ECHDC2: variants seen among roughly 807,000 people sequenced by gnomAD.
ECHDC2 encodes the protein enoyl-CoA hydratase domain containing 2.
ECHDC2 carries 34 observed loss-of-function variants against 40.6 expected under a neutral mutation model. The observed-to-expected ratio is 0.84, with a 90% confidence interval of 0.64 to 1.11. The LOEUF is 1.11. Among genes scored for constraint, ECHDC2 ranks in the 50% most tolerant of loss-of-function variants. The pLI is 0.00. For synonymous variants in ECHDC2, 162 were observed against 166.6 expected (o/e 0.97, Z 0.21); for missense variants, 392 against 400.7 (o/e 0.98, Z 0.19).
rs370480985 is a variant in ECHDC2, at chr1:52,905,100, T to C, written c.458-10A>G. On this transcript the variant is annotated splice_polypyrimidine_tract_variant and intron_variant, in intron 5 of 9. Coordinates refer to ENST00000371522, the MANE Select transcript of ECHDC2 (RefSeq NM_001198961.2). ...ATGACTGCCGAGGAAGCTGCTCAGA[T>C]AGAACAAAGTGAGGCCTCCCTCCCC... is the stretch of plus-strand genomic sequence containing the variant. 12 of 1,613,396 alleles carry C rather than the reference T, an allele frequency of 7.4e-6. No homozygotes were observed. The African/African-American group carries it at 1.6e-4, about 22-fold the overall frequency.
At chr1:52,911,680 GCCAGCCCATCC>G (rs768183962) in intron 2 of ECHDC2, 27 bp from the exon 3 acceptor site, 4 of 1,614,210 alleles carry the variant, frequency 2.5e-6, no homozygotes, top group Admixed American at 1.7e-5. Flanking sequence ...GTTAGATAGT[GCCAGCCCATCC>G]CCAGCCCACC....
At chr1:52,921,254 G>T (rs1387213498) in intron 1 of ECHDC2, 2 of 390,722 alleles carry the variant, frequency 5.1e-6, no homozygotes, top group Non-Finnish European at 8.3e-6. Context: ...TGGCCTGGGG[G>T]CCGCGGGGCC....
rs1390679682 is a variant in ECHDC2, at chr1:52,904,598, C to T, written c.702+48G>A. ...AGGGGACACCCTGCCCCACACATGC[C>T]TCCCCCATGACTCCAGCCCTCCTTC... On this transcript the variant is annotated intron_variant, in intron 7 of 9. Transcript: ENST00000371522. 4.7e-6 allele frequency: 7 copies of T among 1,488,940 alleles called. No homozygotes were observed. In the Admixed American group the frequency reaches 6.4e-5, roughly 14 times the overall value. The allele number at this position is 1,488,940 out of a possible 1,614,324, so 92.2% of individuals were successfully genotyped here. A position where few individuals can be genotyped will look rare whatever the true frequency, so the allele number is the denominator to read the frequency against.
chr1:52,896,680 A>G, intron 9 of ECHDC2, 83 bp from the exon 10 acceptor site: 2 of 1,147,494 alleles, frequency 1.7e-6, no homozygotes, highest in South Asian at 2.5e-5. Flanking sequence ...CCAGCCCAAG[A>G]CAAGGCCAGG....
At chr1:52,900,569 CATATGTGCATA>C (rs1394785497) in intron 7 of ECHDC2, 3 of 152,260 alleles carry the variant, frequency 2.0e-5, no homozygotes, top group African/African-American at 7.2e-5. Flanking sequence ...AATATGTAAG[CATATGTGCATA>C]ATACACGTCC....
intron 7 of ECHDC2, chr1:52,901,889 T>G (rs1414487050): frequency 6.6e-6 from 1 of 152,200 alleles, no homozygotes; most frequent in Non-Finnish European, 1.5e-5. Flanking sequence ...ATATGAAAGC[T>G]GCAATCAGCC....
intron 8 of ECHDC2, 103 bp from the exon 9 acceptor site, chr1:52,897,587 G>C (rs1646719080): frequency 1.8e-6 from 2 of 1,100,954 alleles, no homozygotes; most frequent in Non-Finnish European, 2.8e-6. Flanking sequence ...TATGAGCAGA[G>C]ATAGCTATGA....
chr1:52,919,785 C>T (rs1651485726), intron 1 of ECHDC2, among the ~76,000 whole-genome samples: 1 of 152,238 alleles, frequency 6.6e-6, no homozygotes. Context: ...ATCCCCATGC[C>T]TCCTCTGCAC....
At chr1:52,921,742 C>G (rs1412235659), upstream of ECHDC2, 35 of 1,425,144 alleles carry the variant, frequency 2.5e-5, no homozygotes, top group East Asian at 9.4e-4. Flanking sequence ...TGAGAGCTCG[C>G]AGTTCCGGCG....
At chr1:52,907,381 C>T (rs1412753206) in intron 4 of ECHDC2, 2 of 156,592 alleles carry the variant, frequency 1.3e-5, no homozygotes, top group South Asian at 1.9e-4. Flanking sequence ...ATGAATCAGA[C>T]ATAGCCTTTG....
chr1:52,902,739 C>G (rs1647066165), intron 7 of ECHDC2, among the ~76,000 whole-genome samples: 1 of 152,036 alleles, frequency 6.6e-6, no homozygotes, highest in Admixed American at 6.5e-5. Flanking sequence ...ATTTTGCTCT[C>G]TTAAAATACC....
Position 52,896,466 on chromosome 1 carries a change from C to G in ECHDC2, c.*54G>C. ...GGCAATCTGGCCACAAATCTTCCTTCTGGATCCTGCTCTTCAGGGCATGCA... is the reference window on the plus strand; with the variant it reads ...GGCAATCTGGCCACAAATCTTCCTTGTGGATCCTGCTCTTCAGGGCATGCA... On this transcript the variant is annotated 3_prime_UTR_variant, in exon 10 of 10. Coordinates refer to ENST00000371522, the MANE Select transcript of ECHDC2 (RefSeq NM_001198961.2). The G allele has an allele frequency of 7.0e-7, 1 of 1,426,656 alleles. No individual in the cohort carries two copies. The highest frequency in any genetic ancestry group is 1.1e-5 in the South Asian group (1 of 87,256). 88.4% of individuals were successfully genotyped at this position (1,426,656 alleles called of 1,614,324 possible).
Position 52,911,620 on chromosome 1 carries a change from G to T in ECHDC2, c.223C>A (p.Arg75=), listed in dbSNP as rs199849538. 6.2e-7 allele frequency: 1 copy of T among 1,614,134 alleles called. No individual in the cohort carries two copies. The highest frequency in any genetic ancestry group is 8.5e-7 in the Non-Finnish European group (1 of 1,180,034). ...LETLAQLRED[R]QVRVLLFRSG... is the part of the protein sequence containing the mutation. The stretch of plus-strand genomic sequence containing the variant: ...CTGAAGAGCAGGACACGCACTTGCC[G>T]GTCCTCCCGCAGCTGGGCCAGAGTT... The change falls in exon 3 of 10, where the codon CGG becomes AGG. Residue 75 remains arginine (R), a synonymous_variant. Coordinates refer to ENST00000371522, the MANE Select transcript of ECHDC2 (RefSeq NM_001198961.2).
At chr1:52,918,549 G>A (rs895102601) in intron 1 of ECHDC2, among the ~76,000 whole-genome samples, 1 of 151,958 alleles carries the variant, frequency 6.6e-6, no homozygotes, top group Admixed American at 6.6e-5. Context: ...GTGTGTGCTT[G>A]TGTCTTTGTT....
chr1:52,901,066 A>G (rs1045557222), intron 7 of ECHDC2: 1 of 152,164 alleles, frequency 6.6e-6, no homozygotes, highest in African/African-American at 2.4e-5. Flanking sequence ...TCTTAGGTGG[A>G]AGGATCACTT....
intron 1 of ECHDC2, among the ~76,000 whole-genome samples, chr1:52,915,836 A>G (rs2150068934): frequency 6.6e-6 from 1 of 152,286 alleles, no homozygotes; most frequent in South Asian, 2.1e-4. Flanking sequence ...AGGTAATGTG[A>G]CTTCTGTAAT....
chr1:52,912,657 C>T (rs1428021385), intron 1 of ECHDC2: 1 of 152,174 alleles, frequency 6.6e-6, no homozygotes, highest in East Asian at 1.9e-4. Context: ...GTAGCTCCCT[C>T]CTTCCCCCTG....
intron 5 of ECHDC2, 138 bp from the exon 6 acceptor site, chr1:52,905,228 C>G: frequency 1.1e-6 from 1 of 872,170 alleles, no homozygotes; most frequent in Non-Finnish European, 1.8e-6. Flanking sequence ...CAGGCCTCTC[C>G]AGACTCTGCC....
In ECHDC2 at chr1:52,910,352, G is replaced by GTTTTTTTTTT; in HGVS notation, c.277+1204_277+1213dup. Among the ~76,000 whole-genome samples the GTTTTTTTTTT allele has an allele frequency of 4.0e-3, 128 of 32,100 alleles. 45 individuals are homozygous for GTTTTTTTTTT. Among genetic ancestry groups the GTTTTTTTTTT allele is most frequent in the East Asian group, 0.014 (17 of 1,176 alleles). 21.1% of individuals were successfully genotyped at this position (32,100 alleles called of 152,430 possible). A position where few individuals can be genotyped will look rare whatever the true frequency, so the allele number is the denominator to read the frequency against. On this transcript the variant is annotated intron_variant, in intron 3 of 9. Coordinates refer to ENST00000371522, the MANE Select transcript of ECHDC2 (RefSeq NM_001198961.2). ...GTTACTTATATTTCACCACAATTTC[G>GTTTTTTTTTT]TTTTTTTTTTTTTTTTTTTTTTTTT...
Sources: gnomAD v4.1 joint callset for allele counts (sites outside exome capture counted in the v4.1 genomes callset) on GRCh38, gnomAD v4.1.1 for gene constraint, MANE v1.5 for transcripts, NCBI Gene and HGNC (gene_info 2026-07-23, HGNC 2026-07-21) for gene names.